The following PLA2R1 variants were observed in gnomAD, a reference collection of about 807,000 sequenced individuals.
PLA2R1 encodes secretory phospholipase A2 receptor.
Under a neutral mutation model 195.9 loss-of-function variants are expected in PLA2R1, and 158 were observed. That is an observed-to-expected ratio of 0.81 (90% CI 0.71 to 0.92). PLA2R1 has a LOEUF of 0.92. Among genes scored for constraint, PLA2R1 ranks in the 40% least tolerant of loss-of-function variants. The pLI is 0.00. For synonymous variants in PLA2R1, 586 were observed against 598.2 expected, an observed-to-expected ratio of 0.98 and a Z score of 0.30; for missense variants, 1,626 against 1,764.6, an observed-to-expected ratio of 0.92 and a Z score of 1.41.
chr2:159,975,665 G>A (rs1397275935), intron 17 of PLA2R1, among the ~76,000 whole-genome samples: 1 of 151,626 alleles, frequency 6.6e-6, no homozygotes, highest in African/African-American at 2.4e-5. Context: ...CTATTTACTC[G>A]AATTGATTAT....
intron 11 of PLA2R1, among the ~76,000 whole-genome samples, chr2:159,994,407 G>A (rs1053184538): frequency 3.3e-5 from 5 of 152,012 alleles, no homozygotes; most frequent in African/African-American, 1.2e-4. Context: ...TACAATGTGT[G>A]AACCTTCTTT....
chr2:160,016,159 G>C (rs1692731083), intron 9 of PLA2R1, among the ~76,000 whole-genome samples: 2 of 151,766 alleles, frequency 1.3e-5, no homozygotes, highest in Admixed American at 1.3e-4. Flanking sequence ...AGCTACTCGG[G>C]AGGCTGAGGC....
At chr2:160,054,067 C>T (rs552122262) in intron 1 of PLA2R1, among the ~76,000 whole-genome samples, 98 of 152,290 alleles carry the variant, frequency 6.4e-4, no homozygotes, top group African/African-American at 2.1e-3. Context: ...AACTACCGAG[C>T]ACTTCTTTCA....
chr2:159,988,017 C>G (rs779270760), intron 11 of PLA2R1, among the ~76,000 whole-genome samples: 9 of 152,110 alleles, frequency 5.9e-5, no homozygotes, highest in Admixed American at 2.6e-4. Context: ...ATGTGATATA[C>G]TAGTTATGGA....
chr2:159,942,483 C>T (rs990655982), intron 28 of PLA2R1, among the ~76,000 whole-genome samples: 4 of 152,020 alleles, frequency 2.6e-5, no homozygotes, highest in African/African-American at 9.7e-5. Context: ...TTTTTTTAAG[C>T]CAAGAAGTTT....
rs759244259 is a variant in PLA2R1, at chr2:160,028,819, G to A, written c.955+31C>T. On this transcript the variant is annotated intron_variant, in intron 5 of 29. Transcript: ENST00000283243. ...GTGTAAGGGTGCAAGATGATGCCACGTGACGAAGGCAAAGAAAACACTGCG... is the reference window on the plus strand; with the variant it reads ...GTGTAAGGGTGCAAGATGATGCCACATGACGAAGGCAAAGAAAACACTGCG... 25 of 1,287,910 alleles carry A rather than the reference G, an allele frequency of 1.9e-5. No individual in the cohort carries two copies. The South Asian group carries it at 2.1e-4, about 11-fold the overall frequency. The allele number at this position is 1,287,910 out of a possible 1,614,324, so 79.8% of individuals were successfully genotyped here. A position where few individuals can be genotyped will look rare whatever the true frequency, so the allele number is the denominator to read the frequency against.
chr2:160,021,411 G>GAA (rs956764992), intron 7 of PLA2R1, among the ~76,000 whole-genome samples: 6 of 151,972 alleles, frequency 3.9e-5, no homozygotes, highest in Non-Finnish European at 7.4e-5. Context: ...AGAAAATATG[G>GAA]TATATATATA....
chr2:159,924,902 G>A, the PLA2R1 span, among the ~76,000 whole-genome samples: 89 of 152,200 alleles, frequency 5.8e-4, 1 homozygote, highest in East Asian at 0.016. Context: ...GTATGTCACG[G>A]TACGTTCCAT....
intron 11 of PLA2R1, among the ~76,000 whole-genome samples, chr2:159,990,153 C>G (rs1481999723): frequency 6.6e-6 from 1 of 152,128 alleles, no homozygotes; most frequent in African/African-American, 2.4e-5. Context: ...GGGATGCTTG[C>G]AAAGCCAAAT....
In PLA2R1 at chr2:159,933,034, T is replaced by G. The variant is rs573695266; in HGVS notation, c.*8744A>C. 1 of 152,074 alleles carries G rather than the reference T, an allele frequency of 6.6e-6. No homozygotes were observed. Among genetic ancestry groups the G allele is most frequent in the Admixed American group, 6.5e-5 (1 of 15,274 alleles). The allele number at this position is 152,074 out of a possible 1,614,324, so 9.4% of individuals were successfully genotyped here. On this transcript the variant is annotated 3_prime_UTR_variant, in exon 30 of 30. Transcript: ENST00000283243. Reference sequence around the variant, plus strand: ...TTTTGAAGAAAAAAGATGGTATTGCTATTCATAATTACAAGAAATGGATGA... The same window carrying G: ...TTTTGAAGAAAAAAGATGGTATTGCGATTCATAATTACAAGAAATGGATGA...
In PLA2R1 at chr2:160,059,312, A is replaced by G. The variant is rs371306451; in HGVS notation, c.109+2983T>C. Among the ~76,000 whole-genome samples the G allele has an allele frequency of 5.9e-5, 9 of 152,196 alleles. No homozygotes were observed. In the South Asian group the frequency reaches 1.9e-3, roughly 32 times the overall value. ...TGGGGATGCCTGAGCTAGAGGTAGG[A>G]GGAGATGAGTTTCAGACCTGCCAAG... On this transcript the variant is annotated intron_variant, in intron 1 of 29. Transcript: ENST00000283243.
chr2:160,048,396 C>T (rs574884611), intron 1 of PLA2R1, among the ~76,000 whole-genome samples: 8 of 152,256 alleles, frequency 5.3e-5, no homozygotes, highest in African/African-American at 1.9e-4. Flanking sequence ...AACATGCTGC[C>T]TCCAAATATA....
chr2:159,959,639 A>G (rs1339518901), intron 20 of PLA2R1, among the ~76,000 whole-genome samples: 1 of 152,188 alleles, frequency 6.6e-6, no homozygotes, highest in East Asian at 1.9e-4. Flanking sequence ...TTTCTAGCTC[A>G]ATATTTGGAA....
chr2:160,007,469 C>G (rs1692073484), intron 10 of PLA2R1, among the ~76,000 whole-genome samples: 1 of 152,214 alleles, frequency 6.6e-6, no homozygotes, highest in Admixed American at 6.5e-5. Context: ...GAGGCCTTAG[C>G]TGGAAGACAG....
chr2:160,013,903 C>T (rs113875963), intron 9 of PLA2R1, among the ~76,000 whole-genome samples: 14 of 151,948 alleles, frequency 9.2e-5, no homozygotes, highest in Admixed American at 3.9e-4. Context: ...TTCATCTATA[C>T]GATGAGGATA....
intron 24 of PLA2R1, among the ~76,000 whole-genome samples, chr2:159,950,807 T>C (rs1687687883): frequency 6.6e-6 from 1 of 152,172 alleles, no homozygotes. Flanking sequence ...CAGGATAGAC[T>C]AGTTTACTTT....
At chr2:159,987,092 A>T in intron 12 of PLA2R1, 64 bp downstream of exon 12, 1 of 1,276,282 alleles carries the variant, frequency 7.8e-7, no homozygotes, top group South Asian at 1.2e-5. Flanking sequence ...GGAATTTGGG[A>T]TACATGGATC....
At chr2:160,023,497 G>C (rs1049244208) in intron 6 of PLA2R1, among the ~76,000 whole-genome samples, 3 of 152,144 alleles carry the variant, frequency 2.0e-5, no homozygotes, top group African/African-American at 7.2e-5. Context: ...TGGTCTAAAA[G>C]GGGGAGGAAC....
intron 11 of PLA2R1, among the ~76,000 whole-genome samples, chr2:160,004,348 A>G (rs1234726158): frequency 6.6e-6 from 1 of 152,254 alleles, no homozygotes; most frequent in Non-Finnish European, 1.5e-5. Context: ...AATTTTAAAA[A>G]TCGGTGGAGC....
Sources: allele counts gnomAD v4.1 joint callset (sites outside exome capture counted in the v4.1 genomes callset), GRCh38; gene constraint gnomAD v4.1.1; transcripts MANE v1.5; gene names NCBI Gene and HGNC (gene_info 2026-07-23, HGNC 2026-07-21).